CSMD2: variants seen among roughly 807,000 people sequenced by gnomAD.
CSMD2 encodes CUB and sushi domain-containing protein 2.
CSMD2 carries 130 observed loss-of-function variants against 398.5 expected under a neutral mutation model. That is an observed-to-expected ratio of 0.33 (90% CI 0.28 to 0.38). The LOEUF (loss-of-function observed/expected upper bound fraction) is 0.38. Among genes scored for constraint, CSMD2 ranks in the 10% least tolerant of loss-of-function variants. The pLI is 1.00. For missense variants in CSMD2, 3,829 were observed against 4,764.9 expected (o/e 0.80, Z 5.78); for synonymous variants, 1,828 against 1,908.5 (o/e 0.96, Z 1.10).
chr1:33,732,784 G>C (rs1646762703), intron 15 of CSMD2, among the ~76,000 whole-genome samples: 1 of 152,194 alleles, frequency 6.6e-6, no homozygotes, highest in Non-Finnish European at 1.5e-5. Flanking sequence ...AGAGGAATAG[G>C]GAATGGTGAC....
chr1:33,807,153 C>T (rs1656321655), intron 10 of CSMD2, among the ~76,000 whole-genome samples: 1 of 152,088 alleles, frequency 6.6e-6, no homozygotes, highest in African/African-American at 2.4e-5. Context: ...AACAGTGAAA[C>T]CCAGAAGACA....
At chr1:33,690,231 C>T (rs1252952504) in intron 25 of CSMD2, among the ~76,000 whole-genome samples, 7 of 152,162 alleles carry the variant, frequency 4.6e-5, no homozygotes, top group Admixed American at 6.5e-5. Flanking sequence ...CATCCAGCTG[C>T]GGGAACCATT....
chr1:33,752,690 G>A (rs1404293381), intron 13 of CSMD2, among the ~76,000 whole-genome samples: 1 of 152,164 alleles, frequency 6.6e-6, no homozygotes, highest in Non-Finnish European at 1.5e-5. Context: ...GAGTTTGAAG[G>A]TCTCAGAAGA....
At chr1:34,012,355 C>T (rs1273215021) in intron 3 of CSMD2, among the ~76,000 whole-genome samples, 1 of 152,222 alleles carries the variant, frequency 6.6e-6, no homozygotes, top group African/African-American at 2.4e-5. Context: ...GTCATCCCTC[C>T]ACCCCAGATC....
intron 47 of CSMD2, among the ~76,000 whole-genome samples, chr1:33,582,405 T>C (rs772401632): frequency 6.6e-5 from 10 of 152,184 alleles, no homozygotes; most frequent in South Asian, 4.1e-4. Context: ...CATTAGTAGC[T>C]AACTGCAGGA....
intron 25 of CSMD2, among the ~76,000 whole-genome samples, chr1:33,675,618 A>G (rs1644682178): frequency 6.6e-6 from 1 of 152,244 alleles, no homozygotes; most frequent in Non-Finnish European, 1.5e-5. Context: ...TGAGGCCAGC[A>G]TCATTCTGAT....
intron 3 of CSMD2, among the ~76,000 whole-genome samples, chr1:33,990,502 C>A (rs1351187084): frequency 1.3e-5 from 2 of 152,250 alleles, no homozygotes; most frequent in East Asian, 3.9e-4. Context: ...CCCACACTTT[C>A]TGCACGTGGA....
intron 3 of CSMD2, among the ~76,000 whole-genome samples, chr1:33,959,646 G>A (rs2125392174): frequency 1.3e-5 from 2 of 152,204 alleles, no homozygotes; most frequent in South Asian, 4.2e-4. Context: ...TTCCATAGGG[G>A]CCTTCAGGTG....
chr1:33,693,069 C>T lies in CSMD2; in HGVS notation c.3926-13G>A. The T allele has an allele frequency of 6.3e-7, 1 of 1,584,908 alleles. No individual in the cohort carries two copies. On this transcript the variant is annotated splice_polypyrimidine_tract_variant and intron_variant, in intron 24 of 70. Coordinates refer to ENST00000373381, the MANE Select transcript of CSMD2 (RefSeq NM_001281956.2). Reference sequence around the variant, plus strand: ...CCTCCACACTCGGCTGAAAGAAATCCCAAAAGAGTGAGCTTCATGGGGTGG... The same window carrying T: ...CCTCCACACTCGGCTGAAAGAAATCTCAAAAGAGTGAGCTTCATGGGGTGG...
At chr1:33,899,536 C>T (rs1012158627) in intron 5 of CSMD2, among the ~76,000 whole-genome samples, 3 of 151,774 alleles carry the variant, frequency 2.0e-5, no homozygotes, top group Non-Finnish European at 4.4e-5. Flanking sequence ...AGACTCCTGG[C>T]ATGTCGTTGG....
chr1:33,915,656 C>A (rs573267872), intron 5 of CSMD2, among the ~76,000 whole-genome samples: 11 of 152,308 alleles, frequency 7.2e-5, no homozygotes, highest in Non-Finnish European at 1.3e-4. Flanking sequence ...CATGGATAAA[C>A]AAGTGAGTCG....
intron 44 of CSMD2, among the ~76,000 whole-genome samples, chr1:33,593,684 C>A (rs2148776834): frequency 6.6e-6 from 1 of 152,302 alleles, no homozygotes; most frequent in Admixed American, 6.5e-5. Context: ...CAAACCAGAT[C>A]ATTAAGAGTC....
At chr1:33,605,957 G>A (rs865905004) in intron 41 of CSMD2, 10 of 1,613,656 alleles carry the variant, frequency 6.2e-6, no homozygotes, top group Non-Finnish European at 8.5e-6. Flanking sequence ...AACCTCTCAG[G>A]AAGGAAGAAA....
intron 65 of CSMD2, among the ~76,000 whole-genome samples, chr1:33,526,186 C>T (rs1474291565): frequency 6.6e-6 from 1 of 151,640 alleles, no homozygotes; most frequent in Non-Finnish European, 1.5e-5. Context: ...AAAGGAGTGA[C>T]AGAAGAAGGG....
intron 9 of CSMD2, among the ~76,000 whole-genome samples, chr1:33,816,417 G>C (rs973279320): frequency 3.3e-5 from 5 of 152,054 alleles, no homozygotes; most frequent in African/African-American, 1.2e-4. Context: ...GGGGCCCCAG[G>C]GGTACCAGGA....
At chr1:34,092,946 C>T (rs1404637967) in intron 1 of CSMD2, among the ~76,000 whole-genome samples, 1 of 152,042 alleles carries the variant, frequency 6.6e-6, no homozygotes, top group Non-Finnish European at 1.5e-5. Flanking sequence ...GGCTCCACCT[C>T]TGGGGGCAGG....
Position 34,032,775 on chromosome 1 carries a change from T to C in CSMD2, c.405-69A>G, listed in dbSNP as rs1650621157. 4.3e-5 allele frequency: 46 copies of C among 1,058,632 alleles called. 1 individual carries two copies. In the South Asian group the frequency reaches 5.2e-4, roughly 12 times the overall value. 65.6% of individuals were successfully genotyped at this position (1,058,632 alleles called of 1,614,324 possible). A position where few individuals can be genotyped will look rare whatever the true frequency, so the allele number is the denominator to read the frequency against. On this transcript the variant is annotated intron_variant, in intron 2 of 70. Coordinates refer to ENST00000373381, the MANE Select transcript of CSMD2 (RefSeq NM_001281956.2). ...AAACTACACATCCACGAAGCATTTA[T>C]TGAGTGCCTGCTGGATACACAGTGC...
chr1:33,716,182 A>G, intron 20 of CSMD2, 104 bp downstream of exon 20: 2 of 944,918 alleles, frequency 2.1e-6, no homozygotes, highest in Non-Finnish European at 3.3e-6. Flanking sequence ...GGGACTGGAG[A>G]GTGGATTAAT....
At chr1:33,836,164 C>G (rs6425844) in intron 6 of CSMD2, among the ~76,000 whole-genome samples, 119,080 of 151,664 alleles carry the variant, frequency 0.79, 47,584 homozygotes, top group East Asian at 0.94. Flanking sequence ...AGCAGCGAAG[C>G]CTGCAGAACA....
Sources: gnomAD v4.1 joint callset for allele counts (sites outside exome capture counted in the v4.1 genomes callset) on GRCh38, gnomAD v4.1.1 for gene constraint, MANE v1.5 for transcripts, NCBI Gene and HGNC (gene_info 2026-07-23, HGNC 2026-07-21) for gene names.